ACER3: variants seen among roughly 807,000 people sequenced by gnomAD.
ACER3 encodes the protein alkaline ceramidase 3.
Under a neutral mutation model 48.9 loss-of-function variants are expected in ACER3, and 16 were observed. That is an observed-to-expected ratio of 0.33 (90% CI 0.22 to 0.50). The LOEUF is 0.50. ACER3 is among the 20% of genes least tolerant of loss of function. ACER3 has a pLI of 0.98. For synonymous variants in ACER3, 109 were observed against 107.8 expected, an observed-to-expected ratio of 1.01 and a Z score of -0.07; for missense variants, 227 against 326.0, an observed-to-expected ratio of 0.70 and a Z score of 2.34.
chr11:76,863,291 C>G (rs978036261), intron 1 of ACER3, among the ~76,000 whole-genome samples: 17 of 152,148 alleles, frequency 1.1e-4, no homozygotes, highest in Admixed American at 9.2e-4. Context: ...TCTGAGAGAG[C>G]AAGATACTGT....
chr11:76,977,964 G>A (rs1591022849), intron 4 of ACER3, among the ~76,000 whole-genome samples: 1 of 152,360 alleles, frequency 6.6e-6, no homozygotes, highest in East Asian at 1.9e-4. Flanking sequence ...TTGGCCAGGT[G>A]TGCATGTGCT....
chr11:76,876,726 T>C (rs1488892661), intron 1 of ACER3, among the ~76,000 whole-genome samples: 1 of 152,196 alleles, frequency 6.6e-6, no homozygotes, highest in African/African-American at 2.4e-5. Context: ...TTTTAGTCAT[T>C]CTGGTGGATG....
chr11:76,927,346 C>T (rs1485039774), intron 2 of ACER3, among the ~76,000 whole-genome samples: 2 of 152,080 alleles, frequency 1.3e-5, no homozygotes, highest in African/African-American at 2.4e-5. Context: ...CAGAGCCTAA[C>T]GTAGTGAAAT....
chr11:76,890,833 G>A (rs1409172475), intron 1 of ACER3, among the ~76,000 whole-genome samples: 1 of 152,096 alleles, frequency 6.6e-6, no homozygotes, highest in Non-Finnish European at 1.5e-5. Flanking sequence ...ATCTATTATA[G>A]TAATCACCGG....
intron 2 of ACER3, among the ~76,000 whole-genome samples, chr11:76,929,455 C>A (rs1027160482): frequency 1.3e-5 from 2 of 152,206 alleles, no homozygotes; most frequent in Non-Finnish European, 2.9e-5. Context: ...CGCTTTATTT[C>A]TTTCTCCTGC....
chr11:77,003,595 G>T (rs1327372669), intron 7 of ACER3, among the ~76,000 whole-genome samples: 1 of 151,546 alleles, frequency 6.6e-6, no homozygotes, highest in Non-Finnish European at 1.5e-5. Flanking sequence ...GCTTGTTGTG[G>T]GTTTATTTTC....
intron 1 of ACER3, among the ~76,000 whole-genome samples, chr11:76,890,391 AT>A (rs1234750267): frequency 6.6e-6 from 1 of 152,206 alleles, no homozygotes; most frequent in Non-Finnish European, 1.5e-5. Context: ...CTCAGTAAAT[AT>A]TTGTTGAATG....
chr11:76,967,764 A>G (rs1411642750), intron 3 of ACER3, among the ~76,000 whole-genome samples: 3 of 152,342 alleles, frequency 2.0e-5, no homozygotes, highest in East Asian at 3.9e-4. Context: ...AAAGCTCTCA[A>G]TAAATTAGGT....
At chr11:76,954,594 T>A (rs2135007859) in intron 2 of ACER3, among the ~76,000 whole-genome samples, 1 of 120,132 alleles carries the variant, frequency 8.3e-6, no homozygotes, top group South Asian at 2.8e-4. Flanking sequence ...TTGGTTGGTT[T>A]TTTTTTTTGT....
chr11:77,002,244 A>G (rs1555019988), intron 7 of ACER3, among the ~76,000 whole-genome samples: 1 of 152,134 alleles, frequency 6.6e-6, no homozygotes, highest in African/African-American at 2.4e-5. Context: ...TCTATTCTTT[A>G]TTTTTATCAT....
intron 3 of ACER3, among the ~76,000 whole-genome samples, chr11:76,962,177 G>A (rs957780666): frequency 1.6e-4 from 24 of 148,956 alleles, no homozygotes; most frequent in Non-Finnish European, 3.4e-4. Context: ...AGCCTCCCGA[G>A]TAGCTGGGGT....
At chr11:77,005,972 C>CAA (rs1949128323) in intron 7 of ACER3, among the ~76,000 whole-genome samples, 1 of 107,100 alleles carries the variant, frequency 9.3e-6, no homozygotes, top group Non-Finnish European at 1.9e-5. Context: ...TATATATATA[C>CAA]ATATATATAT....
intron 1 of ACER3, among the ~76,000 whole-genome samples, chr11:76,884,569 G>A (rs1945625654): frequency 6.6e-6 from 1 of 152,162 alleles, no homozygotes; most frequent in South Asian, 2.1e-4. Flanking sequence ...GGGGGAGCAT[G>A]TGAAGGTTGC....
chr11:76,940,794 A>G (rs1283238547), intron 2 of ACER3, among the ~76,000 whole-genome samples: 1 of 152,160 alleles, frequency 6.6e-6, no homozygotes, highest in Non-Finnish European at 1.5e-5. Flanking sequence ...GAAGCTTCCT[A>G]AAAGTAGGGT....
intron 4 of ACER3, among the ~76,000 whole-genome samples, chr11:76,978,924 G>A (rs572069827): frequency 1.3e-4 from 20 of 152,324 alleles, no homozygotes; most frequent in Non-Finnish European, 2.4e-4. Context: ...GGAGCTGCCT[G>A]CCCTGCTGCA....
chr11:76,975,874 C>CTTTTTTTTTTTTTTTTT (rs34786738), intron 3 of ACER3, among the ~76,000 whole-genome samples: 7 of 82,770 alleles, frequency 8.5e-5, no homozygotes, highest in African/African-American at 3.1e-4. Context: ...TTTTTCTTTT[C>CTTTTTTTTTTTTTTTTT]TTTTTTTTTT....
intron 1 of ACER3, among the ~76,000 whole-genome samples, chr11:76,919,722 A>G (rs1490360219): frequency 6.6e-6 from 1 of 152,142 alleles, no homozygotes; most frequent in East Asian, 1.9e-4. Flanking sequence ...TTTATTTTCT[A>G]CCATTCATCT....
intron 3 of ACER3, among the ~76,000 whole-genome samples, chr11:76,963,228 T>C (rs1418756063): frequency 1.3e-5 from 2 of 151,400 alleles, no homozygotes; most frequent in African/African-American, 2.5e-5. Flanking sequence ...GGGCTTACTT[T>C]AAACAAAACC....
rs1296060496 is a variant in ACER3, at chr11:77,021,096, T to C, written c.*769T>C. 6.6e-6 allele frequency: 1 copy of C among 152,254 alleles called. No homozygotes were observed. The highest frequency in any genetic ancestry group is 1.5e-5 in the Non-Finnish European group (1 of 68,046). The allele number at this position is 152,254 out of a possible 1,614,324, so 9.4% of individuals were successfully genotyped here. On this transcript the variant is annotated 3_prime_UTR_variant, in exon 11 of 11. Coordinates refer to ENST00000532485, the MANE Select transcript of ACER3 (RefSeq NM_018367.7). ...CCAGCTCTGCTCTGATCTTTGCAGA[T>C]CTTTAAGTTGTCACTGTTTCTACGG...
Sources: allele counts gnomAD v4.1 joint callset (sites outside exome capture counted in the v4.1 genomes callset), GRCh38; gene constraint gnomAD v4.1.1; transcripts MANE v1.5; gene names NCBI Gene and HGNC (gene_info 2026-07-23, HGNC 2026-07-21).